Variants in SRCAP observed in about 807,000 individuals in gnomAD.
SRCAP encodes the protein Snf2 related CREBBP activator protein.
Under a neutral mutation model 263.1 loss-of-function variants are expected in SRCAP, and 46 were observed. That is an observed-to-expected ratio of 0.17 (90% CI 0.14 to 0.22). SRCAP has a LOEUF of 0.22. SRCAP is among the 10% of genes least tolerant of loss of function. The pLI, the probability that SRCAP is intolerant of heterozygous loss-of-function variation, is 1.00. For missense variants in SRCAP, 3,695 were observed against 4,181.9 expected (o/e 0.88, Z 3.21); for synonymous variants, 1,813 against 1,662.1 (o/e 1.09, Z -2.21).
rs747848316 is a variant in SRCAP, at chr16:30,738,561, C to T, written c.8521C>T (p.Pro2841Ser). 1.9e-6 allele frequency: 3 copies of T among 1,610,648 alleles called. No individual in the cohort carries two copies. In the African/African-American group the frequency reaches 4.0e-5, roughly 22 times the overall value. ...GCTGGGGGTGACTGGTGGTGGCAGC[C>T]CCGAGAATGGAGACGGAGCACTGCT... ...IELGVTGGGS[P>S]ENGDGALLAI... is the part of the protein sequence containing the mutation. Residue 2841 changes from proline to serine, a missense_variant, in exon 34 of 34, where the codon CCC becomes TCC. Physicochemically the swap from Pro to Ser is moderately conservative, Grantham distance 74 (BLOSUM62 -1). Coordinates refer to ENST00000262518, the MANE Select transcript of SRCAP (RefSeq NM_006662.3).
intron 6 of SRCAP, among the ~76,000 whole-genome samples, chr16:30,708,933 C>G (rs572478316): frequency 1.3e-5 from 2 of 152,176 alleles, no homozygotes; most frequent in Non-Finnish European, 2.9e-5. Context: ...ATTCTCCTGC[C>G]TCTGCCTCCG....
chr16:30,705,437 C>T (rs976347142), intron 4 of SRCAP, among the ~76,000 whole-genome samples: 5 of 152,102 alleles, frequency 3.3e-5, no homozygotes, highest in African/African-American at 9.7e-5. Context: ...CTCGCTCTGT[C>T]GCCCAGGCTG....
chr16:30,734,107 C>G lies in SRCAP; in HGVS notation c.6609+99C>G, dbSNP rs1264531510. On this transcript the variant is annotated intron_variant, in intron 30 of 33. Coordinates refer to ENST00000262518, the MANE Select transcript of SRCAP (RefSeq NM_006662.3). ...GAAGACTGCTTTGGACTTTGGGAGG[C>G]TGAGGCAGGCGGATCACTTGAGGCC... The G allele has an allele frequency of 2.8e-6, 3 of 1,085,060 alleles. No individual in the cohort carries two copies. In the African/African-American group the frequency reaches 4.8e-5, roughly 17 times the overall value. The allele number at this position is 1,085,060 out of a possible 1,614,324, so 67.2% of individuals were successfully genotyped here.
chr16:30,733,381 C>T lies in SRCAP; in HGVS notation c.6229C>T (p.Gln2077Ter). 6.2e-7 allele frequency: 1 copy of T among 1,614,118 alleles called. No homozygotes were observed. The highest frequency in any genetic ancestry group is 8.5e-7 in the Non-Finnish European group (1 of 1,180,012). The part of the protein sequence containing the change: ...QMTRMLDVLE[Q>*]FLTYHGHLYL... The stretch of plus-strand genomic sequence containing the variant: ...GACCCGAATGCTGGATGTATTGGAG[C>T]AGTTTCTCACCTACCATGGCCATCT... The change falls in exon 28 of 34, where the codon CAG (glutamine) becomes TAG (stop). Residue 2077 changes from glutamine to a stop codon, truncating the protein, a stop_gained. Coordinates refer to ENST00000262518, the MANE Select transcript of SRCAP (RefSeq NM_006662.3). LOFTEE classifies it high-confidence loss of function. This position sits in a 1 kb window ranked among gnomAD's most constrained non-coding sequence, Gnocchi z 5.3.
Position 30,704,142 on chromosome 16 carries a change from G to A in SRCAP, c.133G>A (p.Gly45Ser), listed in dbSNP as rs188276509. Residue 45 changes from glycine to serine, a missense_variant, in exon 4 of 34, where the codon GGC becomes AGC. This residue lies in a region of SRCAP where 122 missense variants were observed against 116.9 expected (regional missense o/e 1.04). Transcript: ENST00000262518. ...SSSPASSGAG[G>S]ISPQHIAQDS... is the part of the protein sequence containing the mutation. ...TTCCCCAGCCTCTAGTGGGGCAGGC[G>A]GCATCTCCCCGCAGCACATAGCTCA... The A allele has an allele frequency of 3.7e-6, 6 of 1,614,168 alleles. No individual in the cohort carries two copies. Among genetic ancestry groups the A allele is most frequent in the Middle Eastern group, 1.7e-4 (1 of 6,060 alleles).
In SRCAP at chr16:30,734,524, C is replaced by T; in HGVS notation, c.6638C>T (p.Pro2213Leu). 6.2e-7 allele frequency: 1 copy of T among 1,613,882 alleles called. No individual in the cohort carries two copies. The highest frequency in any genetic ancestry group is 1.1e-5 in the South Asian group (1 of 91,068). ...ACCATCCGAGAGCTGTTTGATATGC[C>T]CCTGGAGGAACCTTCTAGCTCATCC... is the stretch of plus-strand genomic sequence containing the variant. ...QQTIRELFDM[P>L]LEEPSSSSVP... The change falls in exon 31 of 34, where the codon CCC becomes CTC. Residue 2213 changes from proline to leucine, a missense_variant. Pro to Leu is a moderately conservative substitution (Grantham distance 98). Around this residue, in one of 12 missense-constraint regions of SRCAP, gnomAD observed 53 missense variants for 45.6 expected, o/e 1.16. Coordinates refer to ENST00000262518, the MANE Select transcript of SRCAP (RefSeq NM_006662.3).
At chr16:30,711,162 A>T (rs749484291) in intron 10 of SRCAP, 74 bp downstream of exon 10, 70 of 1,170,408 alleles carry the variant, frequency 6.0e-5, no homozygotes, top group Non-Finnish European at 8.3e-5. Context: ...TAAAGAGATG[A>T]ATAAGGCACT....
intron 25 of SRCAP, among the ~76,000 whole-genome samples, chr16:30,727,575 A>T (rs1474574743): frequency 1.3e-5 from 2 of 151,862 alleles, no homozygotes; most frequent in Non-Finnish European, 2.9e-5. Flanking sequence ...TTTTTTTGAG[A>T]TGGAGACTCA....
In SRCAP at chr16:30,738,631, C is replaced by T; in HGVS notation, c.8591C>T (p.Pro2864Leu). The T allele has an allele frequency of 6.2e-7, 1 of 1,606,608 alleles. No homozygotes were observed. The highest frequency in any genetic ancestry group is 8.5e-7 in the Non-Finnish European group (1 of 1,176,448). Residue 2864 changes from proline to leucine, a missense_variant, in exon 34 of 34, where the codon CCC becomes CTC. Transcript: ENST00000262518. Reference protein sequence around the residue: ...PAVKRRRGRPPKKNRSPADAG... With the variant: ...PAVKRRRGRPLKKNRSPADAG... ...GTGAAACGTCGGAGGGGGAGGCCCC[C>T]CAAGAAGAACAGGTCTCCAGCAGAT...
chr16:30,723,098 A>G lies in SRCAP; in HGVS notation c.4028A>G (p.Asn1343Ser). Reference protein sequence around the residue: ...PPSSGLPAVLNPRPTLTPGRL... With the variant: ...PPSSGLPAVLSPRPTLTPGRL... The stretch of plus-strand genomic sequence containing the variant: ...AGCTCTGGGCTTCCAGCTGTGTTGA[A>G]TCCACGCCCCACGTTAACCCCTGGC... The change falls in exon 24 of 34, where the codon AAT becomes AGT. Residue 1343 changes from asparagine to serine, a missense_variant. Physicochemically the swap from Asn to Ser is conservative, Grantham distance 46 (BLOSUM62 1). Around this residue, in one of 12 missense-constraint regions of SRCAP, gnomAD observed 1,347 missense variants for 1,304.4 expected, o/e 1.03. Transcript: ENST00000262518. 6.2e-7 allele frequency: 1 copy of G among 1,613,884 alleles called. No individual in the cohort carries two copies. Among genetic ancestry groups the G allele is most frequent in the Non-Finnish European group, 8.5e-7 (1 of 1,179,970 alleles).
At chr16:30,713,837 C>T in intron 16 of SRCAP, 126 bp downstream of exon 16, 1 of 809,714 alleles carries the variant, frequency 1.2e-6, no homozygotes, top group South Asian at 1.7e-5. Flanking sequence ...CTTTGTCAAG[C>T]TGCAGTGTTC....
Position 30,712,326 on chromosome 16 carries a change from A to C in SRCAP, c.1880A>C (p.Asp627Ala). The change falls in exon 13 of 34, where the codon GAC becomes GCC. Residue 627 changes from aspartate (D) to alanine (A), a missense_variant. Transcript: ENST00000262518. ...CGGGAGTACCAGCACATTGGGCTAG[A>C]CTGGCTGGTTACCATGTATGAGAAG... ...QLREYQHIGL[D>A]WLVTMYEKKL... 6.2e-7 allele frequency: 1 copy of C among 1,613,240 alleles called. No individual in the cohort carries two copies. The highest frequency in any genetic ancestry group is 8.5e-7 in the Non-Finnish European group (1 of 1,179,624).
intron 16 of SRCAP, 21 bp from the exon 17 acceptor site, chr16:30,716,045 T>C (rs1325133439): frequency 6.2e-7 from 1 of 1,613,814 alleles, no homozygotes. Context: ...CTGTTTAGCC[T>C]CCAGCTTAAT....
At chr16:30,736,423 T>A in intron 32 of SRCAP, 29 bp downstream of exon 32, 1 of 1,604,330 alleles carries the variant, frequency 6.2e-7, no homozygotes. Flanking sequence ...AGTTCTTGAC[T>A]TTACTGCTTC....
At chr16:30,706,717 A>G (rs2052831703) in intron 4 of SRCAP, among the ~76,000 whole-genome samples, 1 of 152,226 alleles carries the variant, frequency 6.6e-6, no homozygotes, top group Non-Finnish European at 1.5e-5. Context: ...TTAATGCATC[A>G]TGAAAATACT....
At chr16:30,718,679 C>T (rs1020025280) in intron 18 of SRCAP, among the ~76,000 whole-genome samples, 1 of 151,860 alleles carries the variant, frequency 6.6e-6, no homozygotes, top group East Asian at 1.9e-4. Context: ...ACCACGTTGC[C>T]CAGCTGGTCT....
intron 27 of SRCAP, among the ~76,000 whole-genome samples, chr16:30,730,101 T>C (rs1192389710): frequency 6.6e-6 from 1 of 152,230 alleles, no homozygotes; most frequent in Non-Finnish European, 1.5e-5. Context: ...GAAAATGTGC[T>C]GCTAACTCCT....
intron 4 of SRCAP, among the ~76,000 whole-genome samples, chr16:30,705,950 C>A (rs532487439): frequency 1.3e-5 from 2 of 152,000 alleles, no homozygotes; most frequent in Non-Finnish European, 2.9e-5. Flanking sequence ...GTGATCCACC[C>A]GCCTTGGCCT....
At position 30,724,856 on chromosome 16, in the gene SRCAP, C is replaced by G; in HGVS notation, c.5432C>G (p.Ala1811Gly). 6.2e-7 allele frequency: 1 copy of G among 1,614,144 alleles called. No individual in the cohort carries two copies. The highest frequency in any genetic ancestry group is 1.1e-5 in the South Asian group (1 of 91,086). Residue 1811 changes from alanine (A) to glycine (G), a missense_variant, in exon 25 of 34, where the codon GCC becomes GGC. By Grantham distance (60) the Ala-to-Gly change is moderately conservative. Transcript: ENST00000262518. ...GCTCAGACCTTGGCGCTGGCCCCAG[C>G]CTCCACACAGTCCCCAGCTTCCCAG... ...AAAQTLALAP[A>G]STQSPASQAS...
Sources: gnomAD v4.1 joint callset for allele counts (sites outside exome capture counted in the v4.1 genomes callset) on GRCh38, gnomAD v4.1.1 for gene constraint, gnomAD v4.1.1 regional missense constraint, Gnocchi (gnomAD v3.1) non-coding constraint, MANE v1.5 for transcripts, NCBI Gene and HGNC (gene_info 2026-07-23, HGNC 2026-07-21) for gene names.